SNTG1: variants seen among roughly 807,000 people sequenced by gnomAD.
The protein encoded by SNTG1 is gamma-1-syntrophin.
Under a neutral mutation model 74.7 loss-of-function variants are expected in SNTG1, and 39 were observed. That is an observed-to-expected ratio of 0.52 (90% confidence interval 0.40 to 0.68). The LOEUF (loss-of-function observed/expected upper bound fraction) is 0.68. Ranked by LOEUF, SNTG1 falls within the 30% of genes least tolerant of loss-of-function variation. The probability of loss-of-function intolerance (pLI) is 0.00; values close to 1 mark genes in which losing one functional copy is unlikely to be tolerated. For synonymous variants in SNTG1, 254 were observed against 217.1 expected (o/e 1.17, Z -1.49); for missense variants, 685 against 609.5 (o/e 1.12, Z -1.30).
intron 2 of SNTG1, among the ~76,000 whole-genome samples, chr8:50,245,928 G>A (rs2086378907): frequency 6.6e-6 from 1 of 151,836 alleles, no homozygotes; most frequent in South Asian, 2.1e-4. Flanking sequence ...TTACATCAAT[G>A]CCTATCCCTT....
intron 1 of SNTG1, among the ~76,000 whole-genome samples, chr8:49,938,603 TTTTCTTTC>T (rs138959195): frequency 1.1e-4 from 8 of 74,764 alleles, no homozygotes; most frequent in South Asian, 6.0e-4. Flanking sequence ...TTTTCTTTTC[TTTTCTTTC>T]TTTCTTTCTT....
intron 1 of SNTG1, among the ~76,000 whole-genome samples, chr8:50,167,696 C>T (rs2082673856): frequency 6.6e-6 from 1 of 150,756 alleles, no homozygotes; most frequent in Non-Finnish European, 1.5e-5. Flanking sequence ...GCCTGTAGTC[C>T]CAGCTATTCA....
intron 2 of SNTG1, among the ~76,000 whole-genome samples, chr8:50,195,873 G>T (rs543266237): frequency 1.2e-4 from 19 of 152,200 alleles, no homozygotes; most frequent in African/African-American, 4.3e-4. Flanking sequence ...TCGGCCTGGA[G>T]CTAAAATTCA....
At chr8:50,446,973 T>G (rs2093413583) in intron 5 of SNTG1, among the ~76,000 whole-genome samples, 1 of 152,166 alleles carries the variant, frequency 6.6e-6, no homozygotes, top group Non-Finnish European at 1.5e-5. Context: ...ATATTAACAA[T>G]AACTAATAAT....
rs182028667 is a variant in SNTG1 at position 50,342,187 on chromosome 8, G to T, written c.-27-52025G>T. On this transcript the variant is annotated intron_variant, in intron 2 of 18. Coordinates refer to ENST00000642720, the MANE Select transcript of SNTG1 (RefSeq NM_018967.5). ...TTTTTCCTTCTGCTCATTTTAGTTC[G>T]GCATGAAGTAGTTTAAAAGTTTCCA... Among the ~76,000 whole-genome samples, 221 of 151,998 alleles carry T rather than the reference G, an allele frequency of 1.5e-3. No individual in the cohort carries two copies. In the Middle Eastern group the frequency reaches 0.02, roughly 14 times the overall value.
intron 2 of SNTG1, among the ~76,000 whole-genome samples, chr8:50,316,020 A>G (rs75261529): frequency 6.6e-6 from 1 of 152,116 alleles, no homozygotes; most frequent in Non-Finnish European, 1.5e-5. Flanking sequence ...GTTGCTTTTC[A>G]AGAAACCAAC....
At chr8:50,303,427 A>G (rs1382377218) in intron 2 of SNTG1, among the ~76,000 whole-genome samples, 1 of 152,038 alleles carries the variant, frequency 6.6e-6, no homozygotes, top group Non-Finnish European at 1.5e-5. Context: ...ATTTTATGAC[A>G]TATTCATAGA....
At chr8:50,482,650 G>C (rs2093750603) in intron 8 of SNTG1, among the ~76,000 whole-genome samples, 1 of 152,132 alleles carries the variant, frequency 6.6e-6, no homozygotes, top group African/African-American at 2.4e-5. Flanking sequence ...TAGAGAGACA[G>C]AGCTTGAATT....
chr8:49,926,118 T>C (rs1430042057), intron 1 of SNTG1, among the ~76,000 whole-genome samples: 1 of 152,160 alleles, frequency 6.6e-6, no homozygotes, highest in East Asian at 1.9e-4. Context: ...AGATATATAA[T>C]ACTGTAAAAC....
At chr8:50,250,252 A>G (rs2086588463) in intron 2 of SNTG1, among the ~76,000 whole-genome samples, 1 of 151,898 alleles carries the variant, frequency 6.6e-6, no homozygotes, top group African/African-American at 2.4e-5. Flanking sequence ...GCATTTTGAA[A>G]TAACCCTATC....
chr8:50,334,827 G>A (rs1273271221), intron 2 of SNTG1, among the ~76,000 whole-genome samples: 1 of 152,156 alleles, frequency 6.6e-6, no homozygotes, highest in East Asian at 1.9e-4. Flanking sequence ...CATTTTTCAA[G>A]GGTGTTTTTC....
intron 1 of SNTG1, among the ~76,000 whole-genome samples, chr8:50,025,076 C>A (rs1398215176): frequency 6.6e-6 from 1 of 152,110 alleles, no homozygotes; most frequent in African/African-American, 2.4e-5. Context: ...GTTGTATTTA[C>A]TGAAATGTAG....
At chr8:50,148,907 T>A (rs911236525) in intron 1 of SNTG1, among the ~76,000 whole-genome samples, 7 of 152,226 alleles carry the variant, frequency 4.6e-5, no homozygotes, top group Admixed American at 4.6e-4. Flanking sequence ...CCTTTGGGTA[T>A]ATACCCAGTA....
chr8:50,672,260 A>G (rs375039626), intron 15 of SNTG1, among the ~76,000 whole-genome samples: 55 of 152,228 alleles, frequency 3.6e-4, no homozygotes, highest in East Asian at 7.7e-4. Context: ...GAATTGCCAC[A>G]TTGTGTTCCA....
At chr8:50,554,974 T>C (rs2094447594) in intron 12 of SNTG1, among the ~76,000 whole-genome samples, 1 of 152,202 alleles carries the variant, frequency 6.6e-6, no homozygotes, top group African/African-American at 2.4e-5. Flanking sequence ...AGGAATATTG[T>C]CATGCCATAT....
chr8:50,306,036 C>T (rs571260032), intron 2 of SNTG1, among the ~76,000 whole-genome samples: 1 of 150,574 alleles, frequency 6.6e-6, no homozygotes, highest in African/African-American at 2.5e-5. Context: ...ATTTTTTATC[C>T]CTACCCCCCT....
intron 1 of SNTG1, among the ~76,000 whole-genome samples, chr8:49,979,643 C>A (rs574917865): frequency 6.6e-6 from 1 of 152,268 alleles, no homozygotes; most frequent in Non-Finnish European, 1.5e-5. Context: ...CGCTCTAGGG[C>A]CATTGCATCT....
chr8:49,960,075 G>A (rs149976467), intron 1 of SNTG1, among the ~76,000 whole-genome samples: 4 of 152,284 alleles, frequency 2.6e-5, no homozygotes, highest in Non-Finnish European at 5.9e-5. Context: ...CCCACACAGG[G>A]TGCAACTGAA....
chr8:50,408,051 C>T (rs1245024977), intron 4 of SNTG1, among the ~76,000 whole-genome samples: 1 of 152,190 alleles, frequency 6.6e-6, no homozygotes, highest in Non-Finnish European at 1.5e-5. Flanking sequence ...CTTCAGACCA[C>T]TGGCTATGTG....
Sources: allele counts gnomAD v4.1 joint callset (sites outside exome capture counted in the v4.1 genomes callset), GRCh38; gene constraint gnomAD v4.1.1; transcripts MANE v1.5; gene names NCBI Gene and HGNC (gene_info 2026-07-23, HGNC 2026-07-21).